The following CABIN1 variants were observed in gnomAD, a reference collection of about 807,000 sequenced individuals.
CABIN1 encodes calcineurin binding protein 1.
Under a neutral mutation model 227.7 loss-of-function variants are expected in CABIN1, and 133 were observed. The ratio of observed to expected loss-of-function variants is 0.58; its 90% CI spans 0.51 to 0.67. CABIN1 has a LOEUF of 0.67. Among genes scored for constraint, CABIN1 ranks in the 30% least tolerant of loss-of-function variants. The probability of loss-of-function intolerance (pLI) is 0.00; values close to 1 mark genes in which losing one functional copy is unlikely to be tolerated. For missense variants in CABIN1, 2,408 were observed against 2,852.5 expected (o/e 0.84, Z 3.55); for synonymous variants, 1,086 against 1,155.1 (o/e 0.94, Z 1.21).
rs1199064856 is a variant in CABIN1 at position 24,164,472 on chromosome 22, G to A, written c.4819G>A (p.Val1607Met). 1.9e-6 allele frequency: 3 copies of A among 1,606,024 alleles called. No individual in the cohort carries two copies. Among genetic ancestry groups the A allele is most frequent in the Middle Eastern group, 1.6e-4 (1 of 6,080 alleles). ...SFAWHMNRSI[V>M]LLLKVLAQLR... ...TGCCTGGCACATGAACCGCTCCATC[G>A]TGCTGCTGCTCAAGGTGCTGGCCCA... The change falls in exon 30 of 37, where the codon GTG becomes ATG. Residue 1607 changes from valine (V) to methionine (M), a missense_variant. Transcript: ENST00000263119.
intron 1 of CABIN1, among the ~76,000 whole-genome samples, chr22:24,034,540 G>C (rs2036726667): frequency 6.6e-6 from 1 of 152,022 alleles, no homozygotes; most frequent in Non-Finnish European, 1.5e-5. Context: ...CCACCTTTTA[G>C]CTTTTAGAAA....
chr22:24,016,918 C>A (rs548941634), intron 1 of CABIN1, among the ~76,000 whole-genome samples: 7 of 151,474 alleles, frequency 4.6e-5, no homozygotes, highest in Non-Finnish European at 8.8e-5. Context: ...GAGCTAGTTG[C>A]GTCTTCTTTT....
At chr22:24,031,372 G>T (rs1299458538) in intron 1 of CABIN1, among the ~76,000 whole-genome samples, 1 of 152,176 alleles carries the variant, frequency 6.6e-6, no homozygotes, top group Non-Finnish European at 1.5e-5. Flanking sequence ...CGCTAGTCAA[G>T]CTATTGTCGC....
chr22:24,038,142 G>A (rs754654678), intron 3 of CABIN1, among the ~76,000 whole-genome samples: 2 of 152,108 alleles, frequency 1.3e-5, no homozygotes, highest in Non-Finnish European at 2.9e-5. Flanking sequence ...CCATCACATA[G>A]GCATGATTGA....
chr22:24,178,023 G>T, intron 36 of CABIN1, 30 bp from the exon 37 acceptor site: 1 of 1,612,380 alleles, frequency 6.2e-7, no homozygotes, highest in South Asian at 1.1e-5. Flanking sequence ...AGCCATCCTT[G>T]ACCAGTGCCC....
chr22:24,067,719 CTGG>C (rs2039791498), intron 16 of CABIN1, among the ~76,000 whole-genome samples: 3 of 152,132 alleles, frequency 2.0e-5, no homozygotes, highest in Non-Finnish European at 4.4e-5. Context: ...CTGCTGGGTG[CTGG>C]GCAGTTATTC....
chr22:24,103,961 G>C (rs1421129964), intron 26 of CABIN1, among the ~76,000 whole-genome samples: 1 of 152,126 alleles, frequency 6.6e-6, no homozygotes, highest in African/African-American at 2.4e-5. Context: ...AAGAATTCCT[G>C]GAGAAGGTGA....
intron 26 of CABIN1, among the ~76,000 whole-genome samples, chr22:24,103,656 G>A (rs1056919685): frequency 3.3e-5 from 5 of 152,152 alleles, no homozygotes; most frequent in African/African-American, 4.8e-5. Flanking sequence ...TGTTCCTGAC[G>A]GGCAGGGGAC....
At chr22:24,073,004 G>T (rs988265636) in intron 18 of CABIN1, among the ~76,000 whole-genome samples, 1 of 152,082 alleles carries the variant, frequency 6.6e-6, no homozygotes, top group Non-Finnish European at 1.5e-5. Flanking sequence ...ACCTCAGAAG[G>T]TTATTCTGAG....
At chr22:24,017,220 G>A (rs930458440) in intron 1 of CABIN1, among the ~76,000 whole-genome samples, 1 of 151,686 alleles carries the variant, frequency 6.6e-6, no homozygotes, top group African/African-American at 2.4e-5. Context: ...TGTATTTTTA[G>A]CAGAGACAGG....
intron 29 of CABIN1, chr22:24,156,675 C>G (rs1158692501): frequency 6.6e-6 from 1 of 152,364 alleles, no homozygotes; most frequent in South Asian, 2.1e-4. Context: ...GGTTCCAGCC[C>G]TTTACAAGCA....
intron 33 of CABIN1, chr22:24,170,203 G>A (rs1250511507): frequency 2.2e-6 from 1 of 454,012 alleles, no homozygotes; most frequent in Admixed American, 2.4e-5. Flanking sequence ...TCTTACCCTG[G>A]GCCCAGAGAA....
chr22:24,176,741 T>G (rs2047134919), intron 35 of CABIN1, among the ~76,000 whole-genome samples: 2 of 152,286 alleles, frequency 1.3e-5, no homozygotes, highest in Non-Finnish European at 1.5e-5. Flanking sequence ...CACGTCAGAT[T>G]CTAGCCCTGG....
At chr22:24,096,316 C>T (rs1191863894) in intron 25 of CABIN1, among the ~76,000 whole-genome samples, 1 of 152,190 alleles carries the variant, frequency 6.6e-6, no homozygotes, top group Non-Finnish European at 1.5e-5. Flanking sequence ...ATGTGTGGTG[C>T]TACCCCACCC....
At chr22:24,147,985 G>A (rs1348728926) in intron 29 of CABIN1, among the ~76,000 whole-genome samples, 1 of 152,244 alleles carries the variant, frequency 6.6e-6, no homozygotes, top group Non-Finnish European at 1.5e-5. Flanking sequence ...GAGCAGGCAG[G>A]AAGAGGCTGA....
chr22:24,099,194 G>A (rs2042067231), intron 26 of CABIN1, among the ~76,000 whole-genome samples: 1 of 152,206 alleles, frequency 6.6e-6, no homozygotes, highest in African/African-American at 2.4e-5. Context: ...CAGTGCTCGG[G>A]TTCCTGGATA....
chr22:24,105,129 G>A (rs2042437689), intron 26 of CABIN1, among the ~76,000 whole-genome samples: 1 of 152,334 alleles, frequency 6.6e-6, no homozygotes, highest in Admixed American at 6.5e-5. Context: ...TCAGAACACA[G>A]AGTCTTTTCT....
intron 29 of CABIN1, among the ~76,000 whole-genome samples, chr22:24,149,347 G>A (rs949082325): frequency 6.6e-6 from 1 of 152,204 alleles, no homozygotes; most frequent in Admixed American, 6.5e-5. Context: ...TTATGGGGAG[G>A]GTCACGTGAG....
At chr22:24,086,107 G>T (rs1477351874) in intron 22 of CABIN1, among the ~76,000 whole-genome samples, 3 of 152,230 alleles carry the variant, frequency 2.0e-5, no homozygotes, top group Non-Finnish European at 4.4e-5. Flanking sequence ...CTTTTGCTTA[G>T]CCTGTGGTTT....
Sources: gnomAD v4.1 joint callset for allele counts (sites outside exome capture counted in the v4.1 genomes callset) on GRCh38, gnomAD v4.1.1 for gene constraint, MANE v1.5 for transcripts, NCBI Gene and HGNC (gene_info 2026-07-23, HGNC 2026-07-21) for gene names.